Variants in LIMCH1 observed in about 807,000 individuals in gnomAD.
The protein encoded by LIMCH1 is LIM and calponin homology domains 1.
LIMCH1 carries 113 observed loss-of-function variants against 176.5 expected under a neutral mutation model. The observed-to-expected ratio is 0.64, with a 90% confidence interval of 0.55 to 0.75. The LOEUF is 0.75. Among genes scored for constraint, LIMCH1 ranks in the 30% least tolerant of loss-of-function variants. The pLI, the probability that LIMCH1 is intolerant of heterozygous loss-of-function variation, is 0.00. For synonymous variants in LIMCH1, 619 were observed against 645.9 expected (o/e 0.96, Z 0.63); for missense variants, 1,674 against 1,814.9 (o/e 0.92, Z 1.41).
chr4:41,435,381 G>A (rs540985127), intron 1 of LIMCH1, among the ~76,000 whole-genome samples: 6 of 152,270 alleles, frequency 3.9e-5, no homozygotes, highest in South Asian at 2.1e-4. Context: ...TCCCCGTGCC[G>A]AAGCCTCCAG....
At chr4:41,665,070 A>G (rs2094776456) in intron 20 of LIMCH1, among the ~76,000 whole-genome samples, 1 of 152,182 alleles carries the variant, frequency 6.6e-6, no homozygotes, top group African/African-American at 2.4e-5. Context: ...CACTTAGACT[A>G]TGTGAATTTC....
At chr4:41,654,497 A>G (rs1585394975) in intron 18 of LIMCH1, among the ~76,000 whole-genome samples, 1 of 152,164 alleles carries the variant, frequency 6.6e-6, no homozygotes, top group Non-Finnish European at 1.5e-5. Flanking sequence ...TTCAATTTAC[A>G]ATGGGTTTAT....
intron 5 of LIMCH1, among the ~76,000 whole-genome samples, chr4:41,616,456 G>A (rs1254786607): frequency 1.3e-5 from 2 of 152,182 alleles, no homozygotes; most frequent in East Asian, 3.9e-4. Context: ...TTGAACCTGG[G>A]AGGTGGAAGT....
intron 1 of LIMCH1, among the ~76,000 whole-genome samples, chr4:41,489,117 T>C (rs2070265814): frequency 6.6e-6 from 1 of 152,190 alleles, no homozygotes; most frequent in Admixed American, 6.5e-5. Flanking sequence ...GTATCTGTAA[T>C]AATGTCATTG....
At chr4:41,642,052 G>T (rs1562043770) in intron 14 of LIMCH1, among the ~76,000 whole-genome samples, 1 of 152,170 alleles carries the variant, frequency 6.6e-6, no homozygotes, top group African/African-American at 2.4e-5. Flanking sequence ...GGAGAAGGCT[G>T]CCATTTTCTT....
At chr4:41,470,957 C>T (rs930129483) in intron 1 of LIMCH1, among the ~76,000 whole-genome samples, 2 of 151,310 alleles carry the variant, frequency 1.3e-5, no homozygotes, top group Non-Finnish European at 2.9e-5. Flanking sequence ...AGGGAAGTTA[C>T]TGGTAGCTCC....
At position 41,395,228 on chromosome 4, in the gene LIMCH1, A is replaced by AT. The variant is rs1561229358; in HGVS notation, c.96+34292_96+34293insT. Among the ~76,000 whole-genome samples, 94 of 145,312 alleles carry AT rather than the reference A, an allele frequency of 6.5e-4. 1 individual carries two copies. Among genetic ancestry groups the AT allele is most frequent in the African/African-American group, 2.4e-3 (88 of 37,042 alleles). On this transcript the variant is annotated intron_variant, in intron 1 of 26. Transcript: ENST00000313860. Reference sequence around the variant, plus strand: ...TTCATCAGCTAGACTAGTAGAAGTTAATTTTTTTTTTTTTTTTTTTTGAGA... The same window carrying AT: ...TTCATCAGCTAGACTAGTAGAAGTTATATTTTTTTTTTTTTTTTTTTTGAGA...
At chr4:41,371,051 G>C (rs981473931) in intron 1 of LIMCH1, among the ~76,000 whole-genome samples, 1 of 152,092 alleles carries the variant, frequency 6.6e-6, no homozygotes, top group East Asian at 1.9e-4. Flanking sequence ...CAGCTGCTCC[G>C]TATATATTTA....
chr4:41,607,008 AG>A (rs2090820738), intron 4 of LIMCH1, among the ~76,000 whole-genome samples: 1 of 152,192 alleles, frequency 6.6e-6, no homozygotes, highest in African/African-American at 2.4e-5. Flanking sequence ...CGTGTTGGCC[AG>A]GCTGGTCTTG....
intron 1 of LIMCH1, among the ~76,000 whole-genome samples, chr4:41,376,480 T>A (rs1408377795): frequency 6.6e-6 from 1 of 152,206 alleles, no homozygotes. Flanking sequence ...TGAAATTTTT[T>A]CCCTCCTGAA....
At chr4:41,572,290 G>A (rs1285539555) in intron 1 of LIMCH1, among the ~76,000 whole-genome samples, 1 of 152,208 alleles carries the variant, frequency 6.6e-6, no homozygotes, top group East Asian at 1.9e-4. Context: ...CAGTTCGGGG[G>A]TTTAGAAACC....
intron 28 of LIMCH1, among the ~76,000 whole-genome samples, chr4:41,686,855 G>A (rs779247348): frequency 2.0e-5 from 3 of 152,104 alleles, no homozygotes; most frequent in Admixed American, 6.6e-5. Context: ...TGTCTATCCA[G>A]TTTCATTTCT....
chr4:41,544,049 G>T (rs2079034368), intron 1 of LIMCH1, among the ~76,000 whole-genome samples: 1 of 151,994 alleles, frequency 6.6e-6, no homozygotes, highest in Non-Finnish European at 1.5e-5. Flanking sequence ...CAAACTCTTT[G>T]CCTTTATATT....
chr4:41,419,641 C>G (rs1235834378), intron 1 of LIMCH1, among the ~76,000 whole-genome samples: 1 of 80,000 alleles, frequency 1.3e-5, no homozygotes, highest in Non-Finnish European at 2.2e-5. Flanking sequence ...CTTCCTCCTT[C>G]CTTTCTTCCT....
At chr4:41,453,267 C>G (rs899768950) in intron 1 of LIMCH1, among the ~76,000 whole-genome samples, 1 of 152,156 alleles carries the variant, frequency 6.6e-6, no homozygotes, top group African/African-American at 2.4e-5. Context: ...GGCCCTTGAA[C>G]AATGCAGGGA....
chr4:41,464,216 C>T (rs951551555), intron 1 of LIMCH1, among the ~76,000 whole-genome samples: 3 of 151,608 alleles, frequency 2.0e-5, no homozygotes, highest in Admixed American at 6.6e-5. Flanking sequence ...TATCCTTCTT[C>T]CTGTCCCTCA....
chr4:41,421,807 G>A (rs773256573), intron 1 of LIMCH1, among the ~76,000 whole-genome samples: 3 of 152,172 alleles, frequency 2.0e-5, no homozygotes. Context: ...TAGAGGCCAG[G>A]CATGATAGCT....
chr4:41,485,401 A>G (rs1410370808), intron 1 of LIMCH1, among the ~76,000 whole-genome samples: 1 of 152,204 alleles, frequency 6.6e-6, no homozygotes, highest in Non-Finnish European at 1.5e-5. Flanking sequence ...ATTCATGGAT[A>G]GTGTTAATCT....
At chr4:41,458,704 G>A (rs2064923717) in intron 1 of LIMCH1, among the ~76,000 whole-genome samples, 1 of 151,192 alleles carries the variant, frequency 6.6e-6, no homozygotes, top group East Asian at 1.9e-4. Context: ...AACCTGGGGG[G>A]CGGAGGTTGC....
Sources: gnomAD v4.1 joint callset for allele counts (sites outside exome capture counted in the v4.1 genomes callset) on GRCh38, gnomAD v4.1.1 for gene constraint, MANE v1.5 for transcripts, NCBI Gene and HGNC (gene_info 2026-07-23, HGNC 2026-07-21) for gene names.